RIMKLB: variants seen among roughly 807,000 people sequenced by gnomAD.
The protein encoded by RIMKLB is beta-citrylglutamate synthase B.
RIMKLB carries 7 observed loss-of-function variants against 32.0 expected under a neutral mutation model. The observed-to-expected ratio is 0.22, with a 90% CI of 0.12 to 0.41. The LOEUF (loss-of-function observed/expected upper bound fraction) is 0.41. RIMKLB is among the 10% of genes least tolerant of loss of function. The probability of loss-of-function intolerance (pLI) is 1.00; values close to 1 mark genes in which losing one functional copy is unlikely to be tolerated. For synonymous variants in RIMKLB, 172 were observed against 185.1 expected (o/e 0.93, Z 0.57); for missense variants, 289 against 498.7 (o/e 0.58, Z 4.00).
intron 1 of RIMKLB, among the ~76,000 whole-genome samples, chr12:8,684,739 G>T (rs1197777163): frequency 6.6e-6 from 1 of 152,096 alleles, no homozygotes; most frequent in Non-Finnish European, 1.5e-5. Context: ...TCTCACCTCG[G>T]TCTCCTAAGT....
intron 5 of RIMKLB, among the ~76,000 whole-genome samples, chr12:8,756,892 A>G (rs749632285): frequency 2.0e-5 from 3 of 152,066 alleles, no homozygotes; most frequent in African/African-American, 4.8e-5. Flanking sequence ...GGGTTTCACC[A>G]TGTTGACCAG....
the RIMKLB span, among the ~76,000 whole-genome samples, chr12:8,670,531 G>A: frequency 2.0e-5 from 3 of 152,242 alleles, no homozygotes; most frequent in Admixed American, 6.5e-5. Flanking sequence ...TGATACAAGA[G>A]GTGGGTTCCC....
the RIMKLB span, among the ~76,000 whole-genome samples, chr12:8,675,735 CTGAT>C: frequency 6.6e-6 from 1 of 151,484 alleles, no homozygotes; most frequent in Non-Finnish European, 1.5e-5. Flanking sequence ...TTATAGCAAA[CTGAT>C]TGGTTATAAA....
At chr12:8,771,932 A>C (rs1172180196) in intron 5 of RIMKLB, among the ~76,000 whole-genome samples, 1 of 152,172 alleles carries the variant, frequency 6.6e-6, no homozygotes, top group Non-Finnish European at 1.5e-5. Context: ...TCTGTCGCCC[A>C]GGCTGGAGTG....
At chr12:8,699,341 G>T (rs1943181866) in intron 1 of RIMKLB, among the ~76,000 whole-genome samples, 1 of 151,946 alleles carries the variant, frequency 6.6e-6, no homozygotes, top group Admixed American at 6.6e-5. Flanking sequence ...AAATTGAAAT[G>T]TTTTTAAATC....
intron 1 of RIMKLB, among the ~76,000 whole-genome samples, chr12:8,707,802 G>T (rs1053958972): frequency 6.6e-6 from 1 of 152,204 alleles, no homozygotes; most frequent in African/African-American, 2.4e-5. Context: ...TGAAGACCAA[G>T]TATATATTTT....
chr12:8,761,684 C>T (rs780056924), intron 5 of RIMKLB, among the ~76,000 whole-genome samples: 4 of 152,170 alleles, frequency 2.6e-5, no homozygotes, highest in Non-Finnish European at 5.9e-5. Flanking sequence ...AGTCACCTCT[C>T]CCAGCTAGGC....
Position 8,773,547 on chromosome 12 carries a change from C to T in RIMKLB, c.924C>T (p.Pro308=). Residue 308 remains proline, a synonymous_variant, in exon 6 of 6, where the codon CCC becomes CCT. Transcript: ENST00000535829. ...IIADYAASLL[P]SGRLTRRMSL... ...CAGACTATGCCGCCTCCCTTCTACCCTCTGGCCGGCTCACCCGGCGTATGT... is the reference window on the plus strand; with the variant it reads ...CAGACTATGCCGCCTCCCTTCTACCTTCTGGCCGGCTCACCCGGCGTATGT... 6.2e-7 allele frequency: 1 copy of T among 1,614,258 alleles called. No individual in the cohort carries two copies. The highest frequency in any genetic ancestry group is 8.5e-7 in the Non-Finnish European group (1 of 1,180,048).
In RIMKLB at chr12:8,775,519, C is replaced by T. The variant is rs1168510456; in HGVS notation, c.*1735C>T. On this transcript the variant is annotated 3_prime_UTR_variant, in exon 6 of 6. Coordinates refer to ENST00000535829, the MANE Select transcript of RIMKLB (RefSeq NM_001297776.2). ...AGCTTTTACCCAAGCCCTTTCTTGCCTCTCCAGTGCTATTTTCCTTCAGAT... is the reference window on the plus strand; with the variant it reads ...AGCTTTTACCCAAGCCCTTTCTTGCTTCTCCAGTGCTATTTTCCTTCAGAT... 3.0e-6 allele frequency: 3 copies of T among 985,642 alleles called. No homozygotes were observed. The highest frequency in any genetic ancestry group is 2.4e-6 in the Non-Finnish European group (2 of 829,900). 61.1% of individuals were successfully genotyped at this position (985,642 alleles called of 1,614,324 possible).
At chr12:8,753,524 A>G (rs1292054864) in intron 4 of RIMKLB, among the ~76,000 whole-genome samples, 1 of 152,248 alleles carries the variant, frequency 6.6e-6, no homozygotes, top group Non-Finnish European at 1.5e-5. Flanking sequence ...TCGTATATTA[A>G]TGTATTCTAT....
chr12:8,750,007 A>G lies in RIMKLB; in HGVS notation c.321A>G (p.Gln107=). Reference sequence around the variant, plus strand: ...GATGTCGGTTAATGAACCGACCTCAAGCCATCCTGAACTGCGTTAATAAGT... The same window carrying G: ...GATGTCGGTTAATGAACCGACCTCAGGCCATCCTGAACTGCGTTAATAAGT... ...KMGCRLMNRP[Q]AILNCVNKFW... Residue 107 remains glutamine, a synonymous_variant, in exon 3 of 6, where the codon CAA becomes CAG. Coordinates refer to ENST00000535829, the MANE Select transcript of RIMKLB (RefSeq NM_001297776.2). 3 of 1,614,142 alleles carry G rather than the reference A, an allele frequency of 1.9e-6. No homozygotes were observed. The highest frequency in any genetic ancestry group is 1.6e-4 in the Middle Eastern group (1 of 6,062).
At chr12:8,781,151 G>GCA (rs1431305798), downstream of RIMKLB, among the ~76,000 whole-genome samples, 1 of 152,150 alleles carries the variant, frequency 6.6e-6, no homozygotes, top group Non-Finnish European at 1.5e-5. Flanking sequence ...AACTAGCCTG[G>GCA]CAAACATGGA....
At position 8,738,508 on chromosome 12, in the gene RIMKLB, A is replaced by T. The variant is rs532154214; in HGVS notation, c.176-11354A>T. 2.7e-3 allele frequency among the ~76,000 whole-genome samples: 408 copies of T among 152,366 alleles called. 24 individuals are homozygous for T. The South Asian group carries it at 0.082, about 31-fold the overall frequency. ...TGAAGTAATGACCTATGTGAAGTCC[A>T]TTAAAATGTCTTCTTTCCTGGACAG... On this transcript the variant is annotated intron_variant, in intron 2 of 5. Transcript: ENST00000535829.
At chr12:8,761,023 G>A (rs1949476074) in intron 5 of RIMKLB, among the ~76,000 whole-genome samples, 1 of 152,096 alleles carries the variant, frequency 6.6e-6, no homozygotes, top group East Asian at 1.9e-4. Flanking sequence ...ATTTCTTGGT[G>A]TGATGGATTA....
intron 2 of RIMKLB, among the ~76,000 whole-genome samples, chr12:8,741,555 G>A (rs1245639319): frequency 2.0e-5 from 3 of 151,396 alleles, no homozygotes. Context: ...TGAGGCGGGT[G>A]GATCACGGGG....
At chr12:8,674,519 G>A in the RIMKLB span, among the ~76,000 whole-genome samples, 5 of 151,042 alleles carry the variant, frequency 3.3e-5, no homozygotes, top group Admixed American at 6.6e-5. Context: ...GATTATAGGC[G>A]TGAGCCACCG....
At chr12:8,709,449 A>C (rs914460312) in intron 1 of RIMKLB, among the ~76,000 whole-genome samples, 3 of 152,254 alleles carry the variant, frequency 2.0e-5, no homozygotes, top group Admixed American at 2.0e-4. Context: ...GGAGAGAACC[A>C]TTGAGGGGCA....
intron 1 of RIMKLB, among the ~76,000 whole-genome samples, chr12:8,707,988 T>C (rs186872185): frequency 1.4e-3 from 215 of 152,308 alleles, no homozygotes; most frequent in Non-Finnish European, 2.4e-3. Context: ...ACAAATGGAA[T>C]AAATGCTATT....
chr12:8,778,880 G>T (rs751576380), downstream of RIMKLB, among the ~76,000 whole-genome samples: 1 of 152,298 alleles, frequency 6.6e-6, no homozygotes, highest in East Asian at 1.9e-4. Context: ...GGAATTCTTG[G>T]CGTGTAATGC....
Sources: allele counts gnomAD v4.1 joint callset (sites outside exome capture counted in the v4.1 genomes callset), GRCh38; gene constraint gnomAD v4.1.1; transcripts MANE v1.5; gene names NCBI Gene and HGNC (gene_info 2026-07-23, HGNC 2026-07-21).